The following PCGF3 variants were observed in gnomAD, a reference collection of about 807,000 sequenced individuals.
PCGF3 encodes polycomb group ring finger 3.
In PCGF3, 7 loss-of-function variants were observed where a neutral mutation model predicts 33.1. That is an observed-to-expected ratio of 0.21 (90% CI 0.12 to 0.40). The LOEUF (loss-of-function observed/expected upper bound fraction) is 0.40. Ranked by LOEUF, PCGF3 falls within the 10% of genes least tolerant of loss-of-function variation. The pLI, the probability that PCGF3 is intolerant of heterozygous loss-of-function variation, is 1.00. For synonymous variants in PCGF3, 153 were observed against 121.3 expected (o/e 1.26, Z -1.72); for missense variants, 211 against 313.3 (o/e 0.67, Z 2.46).
At chr4:730,719 C>T (rs1743518518) in intron 2 of PCGF3, 51 bp downstream of exon 2, 3 of 286,442 alleles carry the variant, frequency 1.0e-5, no homozygotes, top group East Asian at 5.7e-5. Context: ...TGTGAACTGC[C>T]GGACTCCGCC....
At chr4:765,931 TGC>T in intron 10 of PCGF3, 99 bp from the exon 11 acceptor site, 1 of 1,012,482 alleles carries the variant, frequency 9.9e-7, no homozygotes, top group South Asian at 1.3e-5. Context: ...ATGTGGACTG[TGC>T]CTCACGGGAC....
chr4:735,437 T>C (rs2109619526), intron 5 of PCGF3, among the ~76,000 whole-genome samples: 1 of 152,184 alleles, frequency 6.6e-6, no homozygotes, highest in African/African-American at 2.4e-5. Flanking sequence ...TCCCATCTAC[T>C]CAGGAGGCTG....
chr4:760,798 A>G (rs1343560391), intron 8 of PCGF3, among the ~76,000 whole-genome samples: 1 of 152,242 alleles, frequency 6.6e-6, no homozygotes, highest in East Asian at 1.9e-4. Flanking sequence ...GTCACTTTTT[A>G]TCCTGCGGCC....
intron 1 of PCGF3, among the ~76,000 whole-genome samples, chr4:708,962 C>T (rs531839419): frequency 6.6e-6 from 1 of 152,304 alleles, no homozygotes; most frequent in East Asian, 1.9e-4. Flanking sequence ...TCTCTGAAAC[C>T]TTTGAATCAG....
chr4:751,491 C>T (rs777437395), intron 8 of PCGF3, among the ~76,000 whole-genome samples: 28 of 152,118 alleles, frequency 1.8e-4, no homozygotes, highest in Non-Finnish European at 3.7e-4. Context: ...CCCCTGAGCT[C>T]CTGCCGGTCA....
intron 8 of PCGF3, chr4:757,884 G>A (rs1164691913): frequency 6.6e-6 from 1 of 152,122 alleles, no homozygotes; most frequent in Admixed American, 6.6e-5. Context: ...GAAATCCAAA[G>A]TTGGCCCGGC....
chr4:714,624 C>T (rs1742724570), intron 1 of PCGF3, among the ~76,000 whole-genome samples: 1 of 152,176 alleles, frequency 6.6e-6, no homozygotes, highest in African/African-American at 2.4e-5. Context: ...TCTGACCATG[C>T]CAGGTGAGAC....
intron 3 of PCGF3, chr4:731,371 TGTCGCTGAGGAGCA>T: frequency 5.0e-6 from 2 of 397,566 alleles, no homozygotes; most frequent in Non-Finnish European, 8.9e-6. Context: ...GTTCCCGGCG[TGTCGCTGAGGAGCA>T]GTGCTGCTTG....
chr4:734,893 C>G, intron 4 of PCGF3, 38 bp from the exon 5 acceptor site: 1 of 1,602,610 alleles, frequency 6.2e-7, no homozygotes. Flanking sequence ...CGCCCTGGCT[C>G]TAGACGCTCT....
chr4:766,717 T>C (rs1195190565), exon 11 of PCGF3: 1 of 152,238 alleles, frequency 6.6e-6, no homozygotes, highest in Non-Finnish European at 1.5e-5. Flanking sequence ...AGGTCGGCAC[T>C]TGGACTCACT....
intron 8 of PCGF3, among the ~76,000 whole-genome samples, chr4:754,404 G>A (rs1321555127): frequency 5.3e-5 from 8 of 152,246 alleles, no homozygotes; most frequent in Admixed American, 1.3e-4. Flanking sequence ...CTGGAAGTGG[G>A]CTCTGCCTGC....
At chr4:710,254 G>C (rs1341988390) in intron 1 of PCGF3, among the ~76,000 whole-genome samples, 1 of 152,212 alleles carries the variant, frequency 6.6e-6, no homozygotes, top group Non-Finnish European at 1.5e-5. Flanking sequence ...TCCGCAGCCA[G>C]GCTGTGTCAC....
chr4:753,307 C>T (rs967287313), intron 8 of PCGF3, among the ~76,000 whole-genome samples: 4 of 152,210 alleles, frequency 2.6e-5, no homozygotes, highest in Non-Finnish European at 5.9e-5. Flanking sequence ...ACTCAGCCTC[C>T]CGAGTAGGGA....
chr4:751,515 G>T (rs1029428320), intron 8 of PCGF3, among the ~76,000 whole-genome samples: 1 of 151,886 alleles, frequency 6.6e-6, no homozygotes, highest in Admixed American at 6.6e-5. Flanking sequence ...GCTGTGTGTT[G>T]TCCCCCTCAC....
intron 8 of PCGF3, among the ~76,000 whole-genome samples, chr4:760,356 G>C (rs1744982494): frequency 7.8e-6 from 1 of 128,128 alleles, no homozygotes; most frequent in African/African-American, 3.1e-5. Flanking sequence ...TACTCCTGAT[G>C]GGTAACTTCC....
chr4:742,456 C>T (rs1744136243), intron 6 of PCGF3, among the ~76,000 whole-genome samples: 1 of 152,238 alleles, frequency 6.6e-6, no homozygotes, highest in African/African-American at 2.4e-5. Flanking sequence ...TCACGTAGCA[C>T]ATACGTTACT....
chr4:766,123 G>T (rs1446131906), exon 11 of PCGF3: 1 of 1,571,582 alleles, frequency 6.4e-7, no homozygotes, highest in South Asian at 1.1e-5. Context: ...CGCACCCTTG[G>T]GTGCTCCCGG....
At chr4:737,754 G>A (rs1321990699) in intron 6 of PCGF3, among the ~76,000 whole-genome samples, 2 of 152,130 alleles carry the variant, frequency 1.3e-5, no homozygotes, top group Non-Finnish European at 2.9e-5. Context: ...AGTATGGATC[G>A]CATGTTTAGC....
chr4:767,316 T>G (rs1745426956), exon 11 of PCGF3: 1 of 147,854 alleles, frequency 6.8e-6, no homozygotes, highest in Non-Finnish European at 1.5e-5. Context: ...ACACACACAT[T>G]TTTTTTTTTC....
Sources: allele counts gnomAD v4.1 joint callset (sites outside exome capture counted in the v4.1 genomes callset), GRCh38; gene constraint gnomAD v4.1.1; transcripts MANE v1.5; gene names NCBI Gene and HGNC (gene_info 2026-07-23, HGNC 2026-07-21).